The following DLG2 variants were observed in gnomAD, a reference collection of about 807,000 sequenced individuals.
DLG2 encodes the protein disks large homolog 2.
DLG2 carries 45 observed loss-of-function variants against 132.5 expected under a neutral mutation model. The observed-to-expected ratio is 0.34, with a 90% CI of 0.27 to 0.44. The LOEUF (loss-of-function observed/expected upper bound fraction) is 0.44, where lower values mean the gene tolerates loss of function less well. Ranked by LOEUF, DLG2 falls within the 20% of genes least tolerant of loss-of-function variation. DLG2 has a pLI of 1.00. For missense variants in DLG2, 1,045 were observed against 1,196.9 expected (o/e 0.87, Z 1.87); for synonymous variants, 424 against 419.6 (o/e 1.01, Z -0.13).
At chr11:84,389,363 A>C (rs2098783791) in intron 7 of DLG2, among the ~76,000 whole-genome samples, 1 of 152,070 alleles carries the variant, frequency 6.6e-6, no homozygotes, top group Non-Finnish European at 1.5e-5. Context: ...CTTCAGTTAA[A>C]ACTCCATAAA....
intron 6 of DLG2, among the ~76,000 whole-genome samples, chr11:84,675,113 T>A (rs1039015219): frequency 3.3e-5 from 5 of 152,092 alleles, no homozygotes; most frequent in African/African-American, 1.2e-4. Flanking sequence ...GCAAGCCAGG[T>A]AGGGAATCTG....
intron 3 of DLG2, among the ~76,000 whole-genome samples, chr11:85,559,209 T>TG (rs1172248505): frequency 6.6e-6 from 1 of 150,792 alleles, no homozygotes; most frequent in Non-Finnish European, 1.5e-5. Context: ...TGGAGTGCAA[T>TG]GGCATGATCT....
chr11:83,663,738 T>C (rs941191179), intron 18 of DLG2, among the ~76,000 whole-genome samples: 8 of 152,288 alleles, frequency 5.3e-5, no homozygotes, highest in South Asian at 2.1e-4. Context: ...TTCCCTCCTA[T>C]AGTTCAGCAA....
At chr11:85,444,518 G>A (rs549333452) in intron 3 of DLG2, among the ~76,000 whole-genome samples, 34 of 152,214 alleles carry the variant, frequency 2.2e-4, no homozygotes, top group Non-Finnish European at 2.5e-4. Flanking sequence ...CTTAGGCACA[G>A]TTAGATTCTA....
rs1292512270 is a variant in DLG2 at position 85,260,279 on chromosome 11, G to C, written c.186+24941C>G. On this transcript the variant is annotated intron_variant, in intron 4 of 27. Coordinates refer to ENST00000376104, the MANE Select transcript of DLG2 (RefSeq NM_001142699.3). ...TCTATTACCTTACATTCTATAATTA[G>C]GACAACTGTCAATAGAGTGCTACTT... Among the ~76,000 whole-genome samples, 3 of 152,092 alleles carry C rather than the reference G, an allele frequency of 2.0e-5. No individual in the cohort carries two copies. The East Asian group carries it at 5.8e-4, about 29-fold the overall frequency.
chr11:85,492,392 C>A (rs899908139), intron 3 of DLG2, among the ~76,000 whole-genome samples: 1 of 152,054 alleles, frequency 6.6e-6, no homozygotes, highest in South Asian at 2.1e-4. Context: ...CTACAAAAAA[C>A]AAACCACTAA....
rs777007201 is a variant in DLG2, at chr11:83,471,718, G to C, written c.2354C>G (p.Thr785Ser). ...EPVTRQEINYTRPVIILGPMK... is the reference protein window; with the variant it reads ...EPVTRQEINYSRPVIILGPMK... ...GGGCCCCAGGATAATCACCGGCCGG[G>C]TGTAGTTTACTGCAGAATGGGAAAG... is the stretch of plus-strand genomic sequence containing the variant. Residue 785 changes from threonine to serine, a missense_variant, in exon 24 of 28, where the codon ACC (threonine) becomes AGC (serine). Thr to Ser is a moderately conservative substitution (Grantham distance 58). Transcript: ENST00000376104. The C allele has an allele frequency of 4.3e-6, 7 of 1,612,746 alleles. No homozygotes were observed. In the Middle Eastern group the frequency reaches 6.6e-4, roughly 152 times the overall value.
intron 4 of DLG2, among the ~76,000 whole-genome samples, chr11:85,268,278 C>T (rs2077335523): frequency 6.6e-6 from 1 of 152,166 alleles, no homozygotes; most frequent in Non-Finnish European, 1.5e-5. Flanking sequence ...ATCTGATTGC[C>T]TTCTTTGGAA....
At chr11:84,987,103 T>A (rs764230786) in intron 6 of DLG2, among the ~76,000 whole-genome samples, 1 of 152,174 alleles carries the variant, frequency 6.6e-6, no homozygotes, top group Non-Finnish European at 1.5e-5. Flanking sequence ...TCAGTAGCAC[T>A]TCTGTACACC....
At chr11:85,116,606 T>C (rs2073622700) in intron 5 of DLG2, among the ~76,000 whole-genome samples, 1 of 151,964 alleles carries the variant, frequency 6.6e-6, no homozygotes, top group Admixed American at 6.6e-5. Context: ...AGACATGTAA[T>C]TTCAGAGTGA....
chr11:84,321,460 G>A (rs184356134), intron 7 of DLG2, among the ~76,000 whole-genome samples: 1 of 152,260 alleles, frequency 6.6e-6, no homozygotes, highest in East Asian at 1.9e-4. Context: ...AGTTTGGATG[G>A]TCTTTAATCA....
chr11:85,147,986 G>GA, intron 5 of DLG2, among the ~76,000 whole-genome samples: 1 of 151,704 alleles, frequency 6.6e-6, no homozygotes, highest in Non-Finnish European at 1.5e-5. Context: ...TCCAGCTGAT[G>GA]AATGAGAACT....
intron 7 of DLG2, among the ~76,000 whole-genome samples, chr11:84,455,840 G>T (rs1447665300): frequency 6.6e-6 from 1 of 151,356 alleles, no homozygotes; most frequent in Non-Finnish European, 1.5e-5. Context: ...TTCTGATGGG[G>T]AAGGGCTGCT....
chr11:85,053,796 CAA>C (rs34604489), intron 6 of DLG2, among the ~76,000 whole-genome samples: 64 of 45,778 alleles, frequency 1.4e-3, no homozygotes, highest in African/African-American at 5.2e-3. Flanking sequence ...GACTCTGTCT[CAA>C]AAAAAAAAAA....
At chr11:85,285,391 T>C (rs1326652728) in intron 3 of DLG2, 26 bp from the exon 4 acceptor site, 1 of 1,604,896 alleles carries the variant, frequency 6.2e-7, no homozygotes, top group African/African-American at 1.3e-5. Flanking sequence ...AAGGAAAGCA[T>C]CAAAATGTAA....
rs1228381628 is a variant in DLG2 at position 83,503,367 on chromosome 11, ATT to A, written c.2194-19141_2194-19140del. ...TTTATATATATACACACACACACCC[ATT>A]TATATATATATATATATATATATAT... On this transcript the variant is annotated intron_variant, in intron 21 of 27. Transcript: ENST00000376104. 1.7e-4 allele frequency among the ~76,000 whole-genome samples: 6 copies of A among 35,448 alleles called. No homozygotes were observed. In the East Asian group the frequency reaches 4.3e-3, roughly 26 times the overall value. 23.3% of individuals were successfully genotyped at this position (35,448 alleles called of 152,430 possible). A position where few individuals can be genotyped will look rare whatever the true frequency, so the allele number is the denominator to read the frequency against.
chr11:85,303,551 A>G (rs1219304281), intron 3 of DLG2, among the ~76,000 whole-genome samples: 2 of 152,202 alleles, frequency 1.3e-5, no homozygotes, highest in African/African-American at 4.8e-5. Flanking sequence ...AAAAGTCACA[A>G]TGCAGCATAG....
intron 16 of DLG2, among the ~76,000 whole-genome samples, chr11:83,835,857 G>T (rs1421769026): frequency 6.6e-6 from 1 of 152,058 alleles, no homozygotes; most frequent in South Asian, 2.1e-4. Context: ...GTGGTTGTAG[G>T]ATTGTATTAG....
rs888438452 is a variant in DLG2 at position 83,668,758 on chromosome 11, T to C, written c.1826-35433A>G. ...ATATGTGTATATAAACACACATATA[T>C]ATGTGTATATAAACACACATATATA... On this transcript the variant is annotated intron_variant, in intron 18 of 27. Transcript: ENST00000376104. Among the ~76,000 whole-genome samples the C allele has an allele frequency of 2.4e-4, 34 of 142,888 alleles. No homozygotes were observed. In the East Asian group the frequency reaches 6.6e-3, roughly 28 times the overall value. The allele number at this position is 142,888 out of a possible 152,430, so 93.7% of individuals were successfully genotyped here.
Sources: allele counts gnomAD v4.1 joint callset (sites outside exome capture counted in the v4.1 genomes callset), GRCh38; gene constraint gnomAD v4.1.1; transcripts MANE v1.5; gene names NCBI Gene and HGNC (gene_info 2026-07-23, HGNC 2026-07-21).